The following ESYT2 variants were observed in gnomAD, a reference collection of about 807,000 sequenced individuals.
ESYT2 encodes extended synaptotagmin-2.
In ESYT2, 54 loss-of-function variants were observed where a neutral mutation model predicts 107.2. The observed-to-expected ratio is 0.50, with a 90% CI of 0.40 to 0.63. ESYT2 has a LOEUF of 0.63. Ranked by LOEUF, ESYT2 falls within the 30% of genes least tolerant of loss-of-function variation. The pLI is 0.00. For synonymous variants in ESYT2, 491 were observed against 434.1 expected (o/e 1.13, Z -1.63); for missense variants, 1,020 against 1,094.5 (o/e 0.93, Z 0.96).
At chr7:158,758,515 A>C (rs1248850219) in intron 13 of ESYT2, among the ~76,000 whole-genome samples, 1 of 152,180 alleles carries the variant, frequency 6.6e-6, no homozygotes, top group African/African-American at 2.4e-5. Context: ...TGACAAAGGG[A>C]GAAAAGACAC....
At chr7:158,805,449 A>T (rs1839796689) in intron 1 of ESYT2, among the ~76,000 whole-genome samples, 1 of 152,256 alleles carries the variant, frequency 6.6e-6, no homozygotes, top group Admixed American at 6.5e-5. Context: ...TCAACCCTGT[A>T]ATAAGCTGTC....
At position 158,797,864 on chromosome 7, in the gene ESYT2, A is replaced by AAG. The variant is rs1373838350; in HGVS notation, c.507+77_507+78insCT. ...GCGAGACTCCGTCTCAAGAAAAAAA[A>AAG]AAAAAGAAAATGTGTTGTTTTGTGT... is the stretch of plus-strand genomic sequence containing the variant. On this transcript the variant is annotated intron_variant, in intron 3 of 22. Coordinates refer to ENST00000275418, the MANE Select transcript of ESYT2 (RefSeq NM_001367773.1). The AAG allele has an allele frequency of 3.5e-3, 5,385 of 1,557,974 alleles. 14 individuals are homozygous for AAG. The highest frequency in any genetic ancestry group is 4.2e-3 in the Non-Finnish European group (4,897 of 1,156,518).
rs370043203 is a variant in ESYT2, at chr7:158,788,152, C to T, written c.658-59G>A. ...GAAAACATTCTGCAGGGCCGCTTAA[C>T]GCAAGGAGTTTGCATGCGAATCTTA... is the stretch of plus-strand genomic sequence containing the variant. On this transcript the variant is annotated intron_variant, in intron 5 of 22. Transcript: ENST00000275418. The T allele has an allele frequency of 3.0e-4, 431 of 1,441,156 alleles. 3 individuals carry two copies. The South Asian group carries it at 4.0e-3, about 13-fold the overall frequency. The allele number at this position is 1,441,156 out of a possible 1,614,324, so 89.3% of individuals were successfully genotyped here.
intron 18 of ESYT2, among the ~76,000 whole-genome samples, chr7:158,740,705 A>G (rs1837161822): frequency 6.6e-6 from 1 of 152,236 alleles, no homozygotes; most frequent in Non-Finnish European, 1.5e-5. Flanking sequence ...CTTCTGGAGC[A>G]AGAGAGAAGG....
At chr7:158,774,522 T>C (rs1838481033) in intron 6 of ESYT2, among the ~76,000 whole-genome samples, 1 of 152,186 alleles carries the variant, frequency 6.6e-6, no homozygotes, top group Non-Finnish European at 1.5e-5. Flanking sequence ...TTCTAAATCA[T>C]ATGAATATAT....
In ESYT2 at chr7:158,772,657, C is replaced by A. The variant is rs140617081; in HGVS notation, c.803+684G>T. On this transcript the variant is annotated intron_variant, in intron 7 of 22. Coordinates refer to ENST00000275418, the MANE Select transcript of ESYT2 (RefSeq NM_001367773.1). ...CGCACTGTTTCAGGTAATGGCACCACGGCAACTAGAATGACTCCTTGTCTC... is the reference window on the plus strand; with the variant it reads ...CGCACTGTTTCAGGTAATGGCACCAAGGCAACTAGAATGACTCCTTGTCTC... Among the ~76,000 whole-genome samples, 39 of 152,280 alleles carry A rather than the reference C, an allele frequency of 2.6e-4. 1 individual carries two copies. In the East Asian group the frequency reaches 6.0e-3, roughly 23 times the overall value.
chr7:158,826,638 T>C (rs1390861994), intron 1 of ESYT2, among the ~76,000 whole-genome samples: 2 of 150,248 alleles, frequency 1.3e-5, no homozygotes, highest in Middle Eastern at 3.4e-3. Context: ...CTGGCCAACA[T>C]GGTGAAACCC....
At chr7:158,742,578 C>G (rs1837253468) in intron 17 of ESYT2, among the ~76,000 whole-genome samples, 1 of 152,210 alleles carries the variant, frequency 6.6e-6, no homozygotes, top group South Asian at 2.1e-4. Context: ...TGCTATCCAG[C>G]AAGATCACCC....
rs78329732 is a variant in ESYT2 at position 158,809,514 on chromosome 7, G to A, written c.331-10442C>T. Among the ~76,000 whole-genome samples, 1,039 of 149,852 alleles carry A rather than the reference G, an allele frequency of 6.9e-3. 18 individuals carry two copies. Among genetic ancestry groups the A allele is most frequent in the African/African-American group, 0.024 (991 of 40,536 alleles). On this transcript the variant is annotated intron_variant, in intron 1 of 22. Coordinates refer to ENST00000275418, the MANE Select transcript of ESYT2 (RefSeq NM_001367773.1). ...AAAAAAAAACCAGGGGGGATGAGGGGGGCAAAAGTATTTGTATAAACGCTT... is the reference window on the plus strand; with the variant it reads ...AAAAAAAAACCAGGGGGGATGAGGGAGGCAAAAGTATTTGTATAAACGCTT...
chr7:158,769,331 T>G (rs973011536), intron 7 of ESYT2, among the ~76,000 whole-genome samples: 1 of 152,190 alleles, frequency 6.6e-6, no homozygotes, highest in Admixed American at 6.5e-5. Flanking sequence ...GGCTGTGTGT[T>G]CACCACGCAG....
intron 3 of ESYT2, among the ~76,000 whole-genome samples, chr7:158,796,782 C>A (rs1350737876): frequency 6.6e-6 from 1 of 151,544 alleles, no homozygotes; most frequent in African/African-American, 2.4e-5. Context: ...AAAGGCACCG[C>A]GGCGGGAGGC....
chr7:158,748,563 G>A lies in ESYT2; in HGVS notation c.1558-283C>T, dbSNP rs111877108. On this transcript the variant is annotated intron_variant, in intron 15 of 22. Coordinates refer to ENST00000275418, the MANE Select transcript of ESYT2 (RefSeq NM_001367773.1). ...GCCCACAGATAAAGGCTTCGTGTGC[G>A]TGGCCTGGCCTCGGTTCTGTAATGA... 5.1e-3 allele frequency among the ~76,000 whole-genome samples: 779 copies of A among 152,202 alleles called. 4 individuals carry two copies. Among genetic ancestry groups the A allele is most frequent in the African/African-American group, 0.018 (748 of 41,508 alleles).
Position 158,777,968 on chromosome 7 carries a change from C to T in ESYT2, c.748-4572G>A, listed in dbSNP as rs73729990. Among the ~76,000 whole-genome samples the T allele has an allele frequency of 2.8e-3, 425 of 152,286 alleles. 3 individuals are homozygous for T. The highest frequency in any genetic ancestry group is 9.9e-3 in the African/African-American group (411 of 41,566). On this transcript the variant is annotated intron_variant, in intron 6 of 22. Coordinates refer to ENST00000275418, the MANE Select transcript of ESYT2 (RefSeq NM_001367773.1). ...ACAGGCTTATTTTTCACAGGGCTGC[C>T]ATAAACTTTCAACTAGTAAAAACAC...
intron 16 of ESYT2, among the ~76,000 whole-genome samples, chr7:158,745,446 G>A (rs574668819): frequency 6.6e-6 from 1 of 152,038 alleles, no homozygotes; most frequent in African/African-American, 2.4e-5. Flanking sequence ...TAAGTAGTCT[G>A]AGAACTAGTA....
At chr7:158,771,594 A>G (rs1159072472) in intron 7 of ESYT2, among the ~76,000 whole-genome samples, 2 of 152,204 alleles carry the variant, frequency 1.3e-5, no homozygotes, top group African/African-American at 4.8e-5. Flanking sequence ...AGACTGCCTG[A>G]AAACAAGCCC....
At chr7:158,740,754 C>T (rs921126266) in intron 18 of ESYT2, among the ~76,000 whole-genome samples, 2 of 152,122 alleles carry the variant, frequency 1.3e-5, no homozygotes, top group African/African-American at 4.8e-5. Flanking sequence ...CATGAGAAAG[C>T]ATGAAAGAAA....
rs768708442 is a variant in ESYT2 at position 158,767,718 on chromosome 7, T to C, written c.860A>G (p.Asn287Ser). 17 of 1,613,080 alleles carry C rather than the reference T, an allele frequency of 1.1e-5. No homozygotes were observed. Among genetic ancestry groups the C allele is most frequent in the Admixed American group, 1.7e-5 (1 of 59,878 alleles). ...DIISNYLVLP[N>S]RITVPLVSEV... ...ACTGACAAGTGGAACGGTGATTCGA[T>C]TGGGAAGCACCAGATAGTTTGATAT... is the stretch of plus-strand genomic sequence containing the variant. Residue 287 changes from asparagine to serine, a missense_variant, in exon 8 of 23, where the codon AAT (asparagine) becomes AGT (serine). By Grantham distance (46) the Asn-to-Ser change is conservative. Transcript: ENST00000275418.
intron 1 of ESYT2, among the ~76,000 whole-genome samples, chr7:158,805,468 G>C (rs556156631): frequency 1.3e-5 from 2 of 152,144 alleles, no homozygotes; most frequent in Non-Finnish European, 2.9e-5. Flanking sequence ...TCACAGTATG[G>C]TCAAATTACT....
intron 16 of ESYT2, among the ~76,000 whole-genome samples, chr7:158,745,032 T>C (rs2129471496): frequency 6.6e-6 from 1 of 152,344 alleles, no homozygotes; most frequent in South Asian, 2.1e-4. Flanking sequence ...TCCTTTTGTA[T>C]AAAACAGAAT....
Sources: allele counts gnomAD v4.1 joint callset (sites outside exome capture counted in the v4.1 genomes callset), GRCh38; gene constraint gnomAD v4.1.1; transcripts MANE v1.5; gene names NCBI Gene and HGNC (gene_info 2026-07-23, HGNC 2026-07-21).